NR2F2: variants seen among roughly 807,000 people sequenced by gnomAD.
The protein encoded by NR2F2 is nuclear receptor subfamily 2 group F member 2.
Under a neutral mutation model 34.8 loss-of-function variants are expected in NR2F2, and 2 were observed. The observed-to-expected ratio is 0.06, with a 90% CI of 0.02 to 0.18. The LOEUF is 0.18. Ranked by LOEUF, NR2F2 falls within the 10% of genes least tolerant of loss-of-function variation. The pLI is 1.00. For missense variants in NR2F2, 300 were observed against 580.1 expected, an observed-to-expected ratio of 0.52 and a Z score of 4.96; for synonymous variants, 274 against 251.8, an observed-to-expected ratio of 1.09 and a Z score of -0.84.
In NR2F2 at chr15:96,332,185, C is replaced by T. The variant is rs1288012370; in HGVS notation, c.80C>T (p.Pro27Leu). 2.3e-6 allele frequency: 3 copies of T among 1,326,360 alleles called. No homozygotes were observed. The highest frequency in any genetic ancestry group is 2.9e-6 in the Non-Finnish European group (3 of 1,041,066). 82.2% of individuals were successfully genotyped at this position (1,326,360 alleles called of 1,614,324 possible). A position where few individuals can be genotyped will look rare whatever the true frequency, so the allele number is the denominator to read the frequency against. The change falls in exon 1 of 3, where the codon CCG (proline) becomes CTG (leucine). Residue 27 changes from proline (P) to leucine (L), a missense_variant. Pro to Leu is a moderately conservative substitution (Grantham distance 98). This residue lies in a region of NR2F2 where 105 missense variants were observed against 107.8 expected (regional missense o/e 0.97). Coordinates refer to ENST00000394166, the MANE Select transcript of NR2F2 (RefSeq NM_021005.4). ...GSQGSQASQA[P>L]PVPGPPPGAP... is the part of the protein sequence containing the mutation. Reference sequence around the variant, plus strand: ...CAGGGCAGCCAGGCCTCGCAGGCGCCGCCCGTGCCCGGCCCGCCGCCCGGC... The same window carrying T: ...CAGGGCAGCCAGGCCTCGCAGGCGCTGCCCGTGCCCGGCCCGCCGCCCGGC...
In NR2F2 at chr15:96,339,871, G is replaced by GACT. The variant is rs1030165346; in HGVS notation, c.*2251_*2253dup. The GACT allele has an allele frequency of 2.0e-5, 3 of 151,636 alleles. No individual in the cohort carries two copies. The allele number at this position is 151,636 out of a possible 1,614,324, so 9.4% of individuals were successfully genotyped here. ...ATTCTAATTGGTGGGGGGGGGGGAGGACTAGTGAGGGAGGTGAAAGAACAG... is the reference window on the plus strand; with the variant it reads ...ATTCTAATTGGTGGGGGGGGGGGAGGACTACTAGTGAGGGAGGTGAAAGAACAG... On this transcript the variant is annotated 3_prime_UTR_variant, in exon 3 of 3. Transcript: ENST00000394166.
At chr15:96,334,754 T>C in intron 2 of NR2F2, 151 bp downstream of exon 2, 1 of 789,902 alleles carries the variant, frequency 1.3e-6, no homozygotes, top group Non-Finnish European at 2.0e-6. Flanking sequence ...TTATAGCTGC[T>C]GGGCACTACC....
Position 96,331,953 on chromosome 15 carries a change from C to T in NR2F2, c.-153C>T. ...AAACTAACCAACCTCAACCAACCAGCCCCCGAGCCACCCGGGGCGCCCTCC... is the reference window on the plus strand; with the variant it reads ...AAACTAACCAACCTCAACCAACCAGTCCCCGAGCCACCCGGGGCGCCCTCC... On this transcript the variant is annotated 5_prime_UTR_variant, in exon 1 of 3. Coordinates refer to ENST00000394166, the MANE Select transcript of NR2F2 (RefSeq NM_021005.4). The T allele has an allele frequency of 1.7e-6, 2 of 1,210,106 alleles. No homozygotes were observed. Among genetic ancestry groups the T allele is most frequent in the East Asian group, 3.4e-5 (1 of 29,270 alleles). 75.0% of individuals were successfully genotyped at this position (1,210,106 alleles called of 1,614,324 possible). A position where few individuals can be genotyped will look rare whatever the true frequency, so the allele number is the denominator to read the frequency against.
chr15:96,331,645 CGA>C lies in NR2F2; in HGVS notation c.-455_-454del. 1.7e-6 allele frequency: 2 copies of C among 1,160,816 alleles called. No individual in the cohort carries two copies. Among genetic ancestry groups the C allele is most frequent in the Non-Finnish European group, 2.2e-6 (2 of 926,364 alleles). The allele number at this position is 1,160,816 out of a possible 1,614,324, so 71.9% of individuals were successfully genotyped here. A position where few individuals can be genotyped will look rare whatever the true frequency, so the allele number is the denominator to read the frequency against. ...CACCAGCTCTAAGAGCGAGAGTGAA[CGA>C]GAGAGGGAGGGAGAGAGTGAGAGCG... On this transcript the variant is annotated 5_prime_UTR_variant, in exon 1 of 3. Transcript: ENST00000394166.
upstream of NR2F2, among the ~76,000 whole-genome samples, chr15:96,330,164 T>C (rs1171857429): frequency 6.6e-6 from 1 of 152,134 alleles, no homozygotes; most frequent in African/African-American, 2.4e-5. Flanking sequence ...TCTTTGGCAT[T>C]GTGGGTACTA....
In NR2F2 at chr15:96,331,657, GGAGA is replaced by G. The variant is rs898845007; in HGVS notation, c.-445_-442del. Reference sequence around the variant, plus strand: ...GAGCGAGAGTGAACGAGAGAGGGAGGGAGAGAGTGAGAGCGAGCGAGATCTTTGG... The same window carrying G: ...GAGCGAGAGTGAACGAGAGAGGGAGGGAGTGAGAGCGAGCGAGATCTTTGG... On this transcript the variant is annotated 5_prime_UTR_variant, in exon 1 of 3. Coordinates refer to ENST00000394166, the MANE Select transcript of NR2F2 (RefSeq NM_021005.4). 4.4e-5 allele frequency: 50 copies of G among 1,143,850 alleles called. No homozygotes were observed. Among genetic ancestry groups the G allele is most frequent in the Middle Eastern group, 3.3e-4 (1 of 3,012 alleles). 70.9% of individuals were successfully genotyped at this position (1,143,850 alleles called of 1,614,324 possible).
At chr15:96,328,444 C>T (rs1031484543), upstream of NR2F2, among the ~76,000 whole-genome samples, 2 of 152,186 alleles carry the variant, frequency 1.3e-5, no homozygotes, top group African/African-American at 4.8e-5. Flanking sequence ...TTATTTTCAT[C>T]CTCTATTGAG....
intron 1 of NR2F2, chr15:96,333,270 G>A: frequency 3.3e-6 from 3 of 904,072 alleles, no homozygotes; most frequent in Non-Finnish European, 4.1e-6. Context: ...GCTCGGCGCG[G>A]GGCGCGGGCT....
intron 2 of NR2F2, among the ~76,000 whole-genome samples, chr15:96,336,101 G>A (rs1023567562): frequency 5.9e-5 from 9 of 152,098 alleles, no homozygotes; most frequent in African/African-American, 1.7e-4. Context: ...GGAGGTAGTC[G>A]TTAATTTCTT....
In NR2F2 at chr15:96,332,166, A is replaced by C; in HGVS notation, c.61A>C (p.Ser21Arg). 7.4e-7 allele frequency: 1 copy of C among 1,344,042 alleles called. No individual in the cohort carries two copies. The highest frequency in any genetic ancestry group is 9.5e-7 in the Non-Finnish European group (1 of 1,048,978). The allele number at this position is 1,344,042 out of a possible 1,614,324, so 83.3% of individuals were successfully genotyped here. Residue 21 changes from serine (S) to arginine (R), a missense_variant, in exon 1 of 3, where the codon AGC (serine) becomes CGC (arginine). Around this residue, in one of 6 missense-constraint regions of NR2F2, gnomAD observed 105 missense variants for 107.8 expected, o/e 0.97. Coordinates refer to ENST00000394166, the MANE Select transcript of NR2F2 (RefSeq NM_021005.4). The part of the protein sequence containing the change: ...PQDEVPGSQG[S>R]QASQAPPVPG... ...GGACGAGGTGCCCGGCTCACAGGGC[A>C]GCCAGGCCTCGCAGGCGCCGCCCGT...
At position 96,332,216 on chromosome 15, in the gene NR2F2, G is replaced by A; in HGVS notation, c.111G>A (p.Pro37=). The A allele has an allele frequency of 6.9e-7, 1 of 1,444,510 alleles. No individual in the cohort carries two copies. Among genetic ancestry groups the A allele is most frequent in the Non-Finnish European group, 9.1e-7 (1 of 1,097,482 alleles). The allele number at this position is 1,444,510 out of a possible 1,614,324, so 89.5% of individuals were successfully genotyped here. A position where few individuals can be genotyped will look rare whatever the true frequency, so the allele number is the denominator to read the frequency against. ...TGCCCGGCCCGCCGCCCGGCGCCCC[G>A]CACACGCCACAGACGCCCGGCCAAG... ...PPVPGPPPGA[P]HTPQTPGQGG... Residue 37 remains proline (P), a synonymous_variant, in exon 1 of 3, where the codon CCG becomes CCA. Transcript: ENST00000394166.
chr15:96,336,078 C>T (rs560263719), intron 2 of NR2F2, among the ~76,000 whole-genome samples: 11 of 152,202 alleles, frequency 7.2e-5, no homozygotes, highest in Admixed American at 5.2e-4. Flanking sequence ...CCCAGCCCAC[C>T]TTCTTGGACG....
At position 96,339,617 on chromosome 15, in the gene NR2F2, TAAGG is replaced by T. The variant is rs1899440262; in HGVS notation, c.*1999_*2002del. The T allele has an allele frequency of 6.6e-6, 1 of 152,126 alleles. No homozygotes were observed. The allele number at this position is 152,126 out of a possible 1,614,324, so 9.4% of individuals were successfully genotyped here. ...GATCCTTTGTCCTTAGAAGCCAAAT[TAAGG>T]AAGAGAAAGCAGGACAGAGAAAAAG... On this transcript the variant is annotated 3_prime_UTR_variant, in exon 3 of 3. Transcript: ENST00000394166.
upstream of NR2F2, chr15:96,327,019 A>T (rs2141161833): frequency 6.6e-6 from 1 of 152,532 alleles, no homozygotes; most frequent in South Asian, 2.1e-4. Context: ...TTTGCTGTCT[A>T]TTGCAACCGC....
At chr15:96,328,929 T>C (rs1026800462), upstream of NR2F2, among the ~76,000 whole-genome samples, 3 of 152,226 alleles carry the variant, frequency 2.0e-5, no homozygotes, top group Non-Finnish European at 2.9e-5. Context: ...AGATCTTTAG[T>C]CCTTACCTCA....
Position 96,330,815 on chromosome 15 carries a change from T to TGC in NR2F2, c.-1289_-1288dup. 1 of 1,107,704 alleles carries TGC rather than the reference T, an allele frequency of 9.0e-7. No individual in the cohort carries two copies. The highest frequency in any genetic ancestry group is 1.1e-6 in the Non-Finnish European group (1 of 897,624). 68.6% of individuals were successfully genotyped at this position (1,107,704 alleles called of 1,614,324 possible). On this transcript the variant is annotated 5_prime_UTR_variant, in exon 1 of 3. Transcript: ENST00000394166. ...TTCTTTTCTCTCCGCGGTGTGTGTG[T>TGC]GCGTGCGCGCGTGTGTGTTTTCTTC... is the stretch of plus-strand genomic sequence containing the variant.
intron 2 of NR2F2, 46 bp downstream of exon 2, chr15:96,334,649 G>C: frequency 2.0e-6 from 3 of 1,536,786 alleles, no homozygotes; most frequent in South Asian, 1.3e-5. Context: ...TCCTAGCCCA[G>C]AGCTGGGGCC....
upstream of NR2F2, among the ~76,000 whole-genome samples, chr15:96,328,098 T>C (rs1899040130): frequency 6.6e-6 from 1 of 152,370 alleles, no homozygotes; most frequent in Admixed American, 6.5e-5. Context: ...TCTCTTCTTC[T>C]ATGCATTAAA....
At position 96,330,892 on chromosome 15, in the gene NR2F2, CT is replaced by C. The variant is rs1899115578; in HGVS notation, c.-1208del. On this transcript the variant is annotated 5_prime_UTR_variant, in exon 1 of 3. Coordinates refer to ENST00000394166, the MANE Select transcript of NR2F2 (RefSeq NM_021005.4). ...CTCCTTTCTCCGGGTGCCGTACTGC[CT>C]TTTTTCCCCTCTTTCATTCTTTCTC... 13 of 1,150,650 alleles carry C rather than the reference CT, an allele frequency of 1.1e-5. No individual in the cohort carries two copies. Among genetic ancestry groups the C allele is most frequent in the East Asian group, 3.8e-5 (1 of 26,062 alleles). The allele number at this position is 1,150,650 out of a possible 1,614,324, so 71.3% of individuals were successfully genotyped here.
Sources: allele counts gnomAD v4.1 joint callset (sites outside exome capture counted in the v4.1 genomes callset), GRCh38; gene constraint gnomAD v4.1.1; regional missense constraint gnomAD v4.1.1; transcripts MANE v1.5; gene names NCBI Gene and HGNC (gene_info 2026-07-23, HGNC 2026-07-21).